The following DLG2 variants were observed in gnomAD, a reference collection of about 807,000 sequenced individuals.
DLG2 encodes the protein discs large MAGUK scaffold protein 2.
In DLG2, 45 loss-of-function variants were observed where a neutral mutation model predicts 132.5. The observed-to-expected ratio is 0.34, with a 90% CI of 0.27 to 0.44. DLG2 has a LOEUF of 0.44. Among genes scored for constraint, DLG2 ranks in the 20% least tolerant of loss-of-function variants. DLG2 has a pLI of 1.00. For missense variants in DLG2, 1,045 were observed against 1,196.9 expected, an observed-to-expected ratio of 0.87 and a Z score of 1.87; for synonymous variants, 424 against 419.6, an observed-to-expected ratio of 1.01 and a Z score of -0.13.
At chr11:83,848,516 T>C (rs1366034237) in intron 16 of DLG2, among the ~76,000 whole-genome samples, 1 of 152,214 alleles carries the variant, frequency 6.6e-6, no homozygotes, top group Non-Finnish European at 1.5e-5. Flanking sequence ...GTCTGCCCAA[T>C]TTTCAAATCA....
At chr11:83,748,646 T>C (rs2093086212) in intron 18 of DLG2, among the ~76,000 whole-genome samples, 1 of 152,216 alleles carries the variant, frequency 6.6e-6, no homozygotes. Flanking sequence ...AAGGCTTCAC[T>C]AAGAAGACAA....
intron 6 of DLG2, among the ~76,000 whole-genome samples, chr11:85,042,232 G>T (rs2061937051): frequency 6.6e-6 from 1 of 151,946 alleles, no homozygotes; most frequent in Non-Finnish European, 1.5e-5. Flanking sequence ...ATACGTTTGA[G>T]AATTGTTGGC....
At chr11:83,706,842 G>C (rs1028348185) in intron 18 of DLG2, among the ~76,000 whole-genome samples, 6 of 152,292 alleles carry the variant, frequency 3.9e-5, no homozygotes, top group Admixed American at 1.3e-4. Flanking sequence ...GGATGAAGCT[G>C]GTTGCTACAG....
chr11:84,412,021 C>T lies in DLG2; in HGVS notation c.519+122549G>A, dbSNP rs192365662. Among the ~76,000 whole-genome samples, 121 of 150,928 alleles carry T rather than the reference C, an allele frequency of 8.0e-4. 1 individual carries two copies. The highest frequency in any genetic ancestry group is 2.6e-3 in the African/African-American group (108 of 41,092). ...CACTATTGACATACAGATGGAAATGCCATAATGGAGGAGTGTGCGAACCCA... is the reference window on the plus strand; with the variant it reads ...CACTATTGACATACAGATGGAAATGTCATAATGGAGGAGTGTGCGAACCCA... On this transcript the variant is annotated intron_variant, in intron 7 of 27. Transcript: ENST00000376104.
intron 7 of DLG2, among the ~76,000 whole-genome samples, chr11:84,491,690 T>C (rs1452305209): frequency 6.6e-6 from 1 of 152,200 alleles, no homozygotes; most frequent in Non-Finnish European, 1.5e-5. Context: ...GTTCTGCTCA[T>C]AGCTGATAGT....
At chr11:85,295,248 T>C (rs1389264024) in intron 3 of DLG2, among the ~76,000 whole-genome samples, 1 of 152,158 alleles carries the variant, frequency 6.6e-6, no homozygotes, top group African/African-American at 2.4e-5. Context: ...AGTAACTATA[T>C]GTAATCTGTA....
intron 4 of DLG2, among the ~76,000 whole-genome samples, chr11:85,198,728 T>C (rs946064266): frequency 6.6e-6 from 1 of 152,182 alleles, no homozygotes; most frequent in Non-Finnish European, 1.5e-5. Context: ...TTTTGGCATT[T>C]CTAATTTGAG....
intron 2 of DLG2, among the ~76,000 whole-genome samples, chr11:85,624,800 T>C (rs1400737560): frequency 6.6e-6 from 1 of 152,172 alleles, no homozygotes; most frequent in Non-Finnish European, 1.5e-5. Context: ...GTTTTTCTAA[T>C]AAGAACTTGT....
chr11:84,423,341 A>C (rs1272072610), intron 7 of DLG2, among the ~76,000 whole-genome samples: 1 of 152,164 alleles, frequency 6.6e-6, no homozygotes, highest in East Asian at 1.9e-4. Flanking sequence ...TAGTACACTA[A>C]GATACTTAAT....
chr11:84,198,829 TAG>T (rs1186558973), intron 8 of DLG2, among the ~76,000 whole-genome samples: 1 of 152,056 alleles, frequency 6.6e-6, no homozygotes, highest in African/African-American at 2.4e-5. Flanking sequence ...CAAGAAAATC[TAG>T]AGAGTATAAA....
At chr11:85,419,322 G>A (rs1034804107) in intron 3 of DLG2, among the ~76,000 whole-genome samples, 5 of 152,140 alleles carry the variant, frequency 3.3e-5, no homozygotes, top group East Asian at 1.9e-4. Flanking sequence ...CCCTTTGTGG[G>A]TAACCCAACC....
At chr11:84,740,028 T>C (rs1303991021) in intron 6 of DLG2, among the ~76,000 whole-genome samples, 3 of 152,056 alleles carry the variant, frequency 2.0e-5, no homozygotes, top group South Asian at 2.1e-4. Flanking sequence ...GTCTACTCTG[T>C]ATTTACCCTA....
chr11:84,275,171 C>G (rs1490215121), intron 7 of DLG2, among the ~76,000 whole-genome samples: 1 of 152,150 alleles, frequency 6.6e-6, no homozygotes, highest in African/African-American at 2.4e-5. Flanking sequence ...TATCAGGTTC[C>G]TTTATTCTTT....
chr11:83,984,509 G>C (rs1044715841), intron 11 of DLG2, among the ~76,000 whole-genome samples: 3 of 151,932 alleles, frequency 2.0e-5, no homozygotes, highest in Non-Finnish European at 4.4e-5. Flanking sequence ...TCTACATTGA[G>C]AATTTATGTT....
intron 6 of DLG2, among the ~76,000 whole-genome samples, chr11:84,823,970 T>C (rs751776699): frequency 5.9e-5 from 9 of 151,968 alleles, no homozygotes; most frequent in Non-Finnish European, 1.3e-4. Flanking sequence ...TTCTAGGCAT[T>C]GTGAGAAGCA....
chr11:85,272,998 T>C (rs905432912), intron 4 of DLG2, among the ~76,000 whole-genome samples: 1 of 152,124 alleles, frequency 6.6e-6, no homozygotes, highest in Non-Finnish European at 1.5e-5. Flanking sequence ...AAACAAGAAA[T>C]GGGGAAAGGA....
chr11:84,627,753 G>C (rs1036426918), intron 6 of DLG2, among the ~76,000 whole-genome samples: 1 of 152,176 alleles, frequency 6.6e-6, no homozygotes. Context: ...GGAGTCCTCA[G>C]GGAGCTTTTA....
At chr11:84,837,152 T>C (rs1308785306) in intron 6 of DLG2, among the ~76,000 whole-genome samples, 4 of 151,806 alleles carry the variant, frequency 2.6e-5, no homozygotes, top group Non-Finnish European at 5.9e-5. Context: ...GTATTAGCTA[T>C]ATACATTTCA....
chr11:84,575,946 A>T (rs1160433717), intron 6 of DLG2, among the ~76,000 whole-genome samples: 1 of 152,220 alleles, frequency 6.6e-6, no homozygotes, highest in Non-Finnish European at 1.5e-5. Flanking sequence ...TCTAACTAGA[A>T]TCTCAGAGGT....
Sources: allele counts gnomAD v4.1 joint callset (sites outside exome capture counted in the v4.1 genomes callset), GRCh38; gene constraint gnomAD v4.1.1; transcripts MANE v1.5; gene names NCBI Gene and HGNC (gene_info 2026-07-23, HGNC 2026-07-21).